The following TC2N variants were observed in gnomAD, a reference collection of about 807,000 sequenced individuals.
The protein encoded by TC2N is tandem C2 domains nuclear protein.
A neutral mutation model predicts 61.9 loss-of-function variants in TC2N; 51 were observed. That is an observed-to-expected ratio of 0.82 (90% CI 0.66 to 1.04). The LOEUF (loss-of-function observed/expected upper bound fraction) is 1.04. TC2N is among the 50% of genes least tolerant of loss of function. The probability of loss-of-function intolerance (pLI) is 0.00; values close to 1 mark genes in which losing one functional copy is unlikely to be tolerated. For synonymous variants in TC2N, 204 were observed against 192.6 expected (o/e 1.06, Z -0.49); for missense variants, 556 against 566.7 (o/e 0.98, Z 0.19).
chr14:91,793,047 T>C (rs952371300), intron 8 of TC2N, among the ~76,000 whole-genome samples: 1 of 152,204 alleles, frequency 6.6e-6, no homozygotes, highest in African/African-American at 2.4e-5. Flanking sequence ...CAGGCTTCAA[T>C]TTCTCTTTTG....
At chr14:91,848,567 A>G (rs1382292915) in intron 1 of TC2N, among the ~76,000 whole-genome samples, 2 of 152,142 alleles carry the variant, frequency 1.3e-5, no homozygotes, top group Non-Finnish European at 1.5e-5. Flanking sequence ...ACTTTATTCC[A>G]ATTTCTCTCT....
At chr14:91,820,114 G>A (rs573912636) in intron 1 of TC2N, among the ~76,000 whole-genome samples, 37 of 151,974 alleles carry the variant, frequency 2.4e-4, no homozygotes, top group Non-Finnish European at 4.7e-4. Flanking sequence ...TTGCCAGACT[G>A]GATAAAGAAG....
chr14:91,810,812 A>C (rs995852792), intron 3 of TC2N, among the ~76,000 whole-genome samples: 5 of 152,068 alleles, frequency 3.3e-5, no homozygotes, highest in African/African-American at 9.6e-5. Flanking sequence ...GAGACAGTGA[A>C]CTTGAAAAAA....
intron 1 of TC2N, among the ~76,000 whole-genome samples, chr14:91,844,186 G>A (rs72631605): frequency 2.6e-5 from 4 of 152,132 alleles, no homozygotes; most frequent in African/African-American, 9.7e-5. Context: ...GGCCAGAGAG[G>A]CATACCCTTC....
intron 1 of TC2N, among the ~76,000 whole-genome samples, chr14:91,816,735 A>G (rs939265908): frequency 5.9e-5 from 9 of 151,780 alleles, no homozygotes; most frequent in Non-Finnish European, 8.9e-5. Context: ...CCTCTTCCCA[A>G]TTCGCTATCT....
chr14:91,865,740 T>G (rs11850867), intron 1 of TC2N, among the ~76,000 whole-genome samples: 17,320 of 152,196 alleles, frequency 0.11, 1,169 homozygotes, highest in South Asian at 0.25. Context: ...TCATAAGAAT[T>G]TTTCTTGTAT....
At chr14:91,834,090 A>C (rs1333199313) in intron 1 of TC2N, among the ~76,000 whole-genome samples, 6 of 152,214 alleles carry the variant, frequency 3.9e-5, no homozygotes, top group Admixed American at 3.9e-4. Flanking sequence ...TTTCTACATA[A>C]GATTTTTAGA....
At chr14:91,827,217 A>G (rs2139888758) in intron 1 of TC2N, among the ~76,000 whole-genome samples, 1 of 152,256 alleles carries the variant, frequency 6.6e-6, no homozygotes, top group Middle Eastern at 3.4e-3. Flanking sequence ...TAGCTTGGAT[A>G]TTGTATTACT....
rs530431077 is a variant in TC2N, at chr14:91,846,346, G to T, written c.-57+20916C>A. Among the ~76,000 whole-genome samples, 12 of 152,256 alleles carry T rather than the reference G, an allele frequency of 7.9e-5. No individual in the cohort carries two copies. In the South Asian group the frequency reaches 2.1e-3, roughly 26 times the overall value. ...ATTTAGGTAGAGTTCATCGTGGAGA[G>T]GACCAAGACAGAAGATCAAGAAGAA... On this transcript the variant is annotated intron_variant, in intron 1 of 11. Coordinates refer to ENST00000435962, the MANE Select transcript of TC2N (RefSeq NM_001128596.3).
chr14:91,781,026 T>C lies in TC2N; in HGVS notation c.*2074A>G, dbSNP rs928544157. 12 of 152,104 alleles carry C rather than the reference T, an allele frequency of 7.9e-5. No homozygotes were observed. The highest frequency in any genetic ancestry group is 1.6e-4 in the Non-Finnish European group (11 of 67,994). The allele number at this position is 152,104 out of a possible 1,614,324, so 9.4% of individuals were successfully genotyped here. A position where few individuals can be genotyped will look rare whatever the true frequency, so the allele number is the denominator to read the frequency against. On this transcript the variant is annotated 3_prime_UTR_variant, in exon 12 of 12. Coordinates refer to ENST00000435962, the MANE Select transcript of TC2N (RefSeq NM_001128596.3). ...TCTAAGAAACTGAGAAGTCATAGCT[T>C]TCCCTTAAATTATACATCATACATA... is the stretch of plus-strand genomic sequence containing the variant.
At chr14:91,803,243 A>C (rs1824898596) in intron 3 of TC2N, among the ~76,000 whole-genome samples, 2 of 152,018 alleles carry the variant, frequency 1.3e-5, no homozygotes, top group Admixed American at 6.6e-5. Flanking sequence ...GGGATTGTAG[A>C]TCTAAATGAA....
intron 11 of TC2N, among the ~76,000 whole-genome samples, chr14:91,784,797 T>C (rs1475016069): frequency 1.3e-5 from 2 of 152,078 alleles, no homozygotes; most frequent in Non-Finnish European, 2.9e-5. Context: ...AAACATTAAA[T>C]CAAAGATTAA....
intron 9 of TC2N, among the ~76,000 whole-genome samples, chr14:91,788,428 A>C (rs74777236): frequency 0.015 from 2,276 of 152,328 alleles, 61 homozygotes; most frequent in South Asian, 0.08. Flanking sequence ...TATTGTTTAC[A>C]TGTTGAAAAG....
At chr14:91,821,563 G>A (rs1388553497) in intron 1 of TC2N, among the ~76,000 whole-genome samples, 1 of 151,888 alleles carries the variant, frequency 6.6e-6, no homozygotes, top group Non-Finnish European at 1.5e-5. Context: ...GAAAACATAG[G>A]AGTAAATCTT....
chr14:91,805,889 C>T (rs1233111556), intron 3 of TC2N, among the ~76,000 whole-genome samples: 2 of 152,108 alleles, frequency 1.3e-5, no homozygotes, highest in South Asian at 2.1e-4. Flanking sequence ...ATGATAAATG[C>T]CCTATACAGG....
intron 5 of TC2N, among the ~76,000 whole-genome samples, chr14:91,799,284 A>G (rs1017933638): frequency 6.6e-6 from 1 of 152,018 alleles, no homozygotes; most frequent in Non-Finnish European, 1.5e-5. Context: ...TATACTGGAA[A>G]GCCTTTGCTG....
chr14:91,851,440 C>T (rs1015096900), intron 1 of TC2N, among the ~76,000 whole-genome samples: 3 of 152,110 alleles, frequency 2.0e-5, no homozygotes, highest in African/African-American at 7.2e-5. Flanking sequence ...TCTGTGTGGT[C>T]TAAATAGAGT....
intron 8 of TC2N, 33 bp from the exon 9 acceptor site, chr14:91,792,591 T>G (rs1319104259): frequency 8.8e-7 from 1 of 1,133,176 alleles, no homozygotes; most frequent in African/African-American, 1.6e-5. Flanking sequence ...ATAAAATATA[T>G]AAATAAAAGG....
chr14:91,845,661 CAT>C (rs1888256379), intron 1 of TC2N, among the ~76,000 whole-genome samples: 1 of 152,178 alleles, frequency 6.6e-6, no homozygotes, highest in South Asian at 2.1e-4. Flanking sequence ...TATATGGGAA[CAT>C]ATTCAGAGAA....
Sources: gnomAD v4.1 joint callset for allele counts (sites outside exome capture counted in the v4.1 genomes callset) on GRCh38, gnomAD v4.1.1 for gene constraint, MANE v1.5 for transcripts, NCBI Gene and HGNC (gene_info 2026-07-23, HGNC 2026-07-21) for gene names.